STK3: variants seen among roughly 807,000 people sequenced by gnomAD.
STK3 encodes serine/threonine-protein kinase 3.
STK3 carries 41 observed loss-of-function variants against 58.0 expected under a neutral mutation model. The ratio of observed to expected loss-of-function variants is 0.71; its 90% CI spans 0.55 to 0.92. STK3 has a LOEUF of 0.92. STK3 is among the 40% of genes least tolerant of loss of function. STK3 has a pLI of 0.00. For synonymous variants in STK3, 170 were observed against 191.0 expected (o/e 0.89, Z 0.91); for missense variants, 479 against 602.7 (o/e 0.79, Z 2.15).
intron 2 of STK3, among the ~76,000 whole-genome samples, chr8:98,374,383 G>T (rs1298106216): frequency 6.6e-6 from 1 of 152,170 alleles, no homozygotes. Flanking sequence ...GAAAGCCAAG[G>T]CCCAGGCATT....
At position 98,825,666 on chromosome 8, in the gene STK3, T is replaced by A. The variant is rs1414323874; in HGVS notation, c.-126A>T. ...AAACTCTGGGAACTCGGACCAACTT[T>A]CCCGTAACTCCGCGGCGGATCTCCC... On this transcript the variant is annotated 5_prime_UTR_variant, in exon 1 of 11. Coordinates refer to ENST00000419617, the MANE Select transcript of STK3 (RefSeq NM_006281.4). 6 of 1,141,972 alleles carry A rather than the reference T, an allele frequency of 5.3e-6. No individual in the cohort carries two copies. Among genetic ancestry groups the A allele is most frequent in the African/African-American group, 1.7e-5 (1 of 59,780 alleles). 70.7% of individuals were successfully genotyped at this position (1,141,972 alleles called of 1,614,324 possible). A position where few individuals can be genotyped will look rare whatever the true frequency, so the allele number is the denominator to read the frequency against.
chr8:98,442,478 T>C (rs1818733010), intron 1 of STK3, among the ~76,000 whole-genome samples: 1 of 152,222 alleles, frequency 6.6e-6, no homozygotes, highest in African/African-American at 2.4e-5. Context: ...ACCACCAAGG[T>C]GCGTTATTTC....
intron 3 of STK3, among the ~76,000 whole-genome samples, chr8:98,838,981 GTTTGT>G (rs1835854498): frequency 1.4e-5 from 2 of 138,160 alleles, no homozygotes; most frequent in African/African-American, 2.7e-5. Flanking sequence ...TGTTTTGTTT[GTTTGT>G]TTTGTGTGTG....
At chr8:98,734,603 T>G (rs1275547204) in intron 4 of STK3, among the ~76,000 whole-genome samples, 1 of 152,220 alleles carries the variant, frequency 6.6e-6, no homozygotes, top group Non-Finnish European at 1.5e-5. Flanking sequence ...TTGGAAAGCC[T>G]CTAATCAAAA....
At chr8:98,802,676 T>A (rs887888500) in intron 1 of STK3, among the ~76,000 whole-genome samples, 1 of 152,172 alleles carries the variant, frequency 6.6e-6, no homozygotes, top group Non-Finnish European at 1.5e-5. Flanking sequence ...TTGTAAATTA[T>A]TTATAACAAA....
chr8:98,419,723 A>G (rs1249408581), intron 3 of STK3, among the ~76,000 whole-genome samples: 1 of 152,184 alleles, frequency 6.6e-6, no homozygotes, highest in Non-Finnish European at 1.5e-5. Context: ...GCAGCAGAGA[A>G]TGCCAGGGAC....
At chr8:98,563,716 A>T (rs1354635074) in intron 8 of STK3, among the ~76,000 whole-genome samples, 1 of 152,192 alleles carries the variant, frequency 6.6e-6, no homozygotes, top group Non-Finnish European at 1.5e-5. Context: ...GATATGTCAT[A>T]GGGACAAAGG....
intron 7 of STK3, among the ~76,000 whole-genome samples, chr8:98,593,044 G>A (rs538242881): frequency 2.0e-4 from 30 of 152,208 alleles, no homozygotes; most frequent in African/African-American, 6.0e-4. Context: ...GATTACAGGC[G>A]TGAGCCACGG....
chr8:98,669,733 G>A (rs1018015592), intron 6 of STK3, among the ~76,000 whole-genome samples: 7 of 152,176 alleles, frequency 4.6e-5, no homozygotes, highest in East Asian at 1.9e-4. Context: ...GGGTAACAAA[G>A]TATCAGTCCC....
At chr8:98,838,074 C>CA (rs58973724) in intron 3 of STK3, among the ~76,000 whole-genome samples, 9,245 of 58,862 alleles carry the variant, frequency 0.16, 419 homozygotes, top group Non-Finnish European at 0.21. Flanking sequence ...ACTAAAAATA[C>CA]AAAAAAAAAA....
chr8:98,587,762 C>G (rs1160073100), intron 7 of STK3, among the ~76,000 whole-genome samples: 1 of 152,054 alleles, frequency 6.6e-6, no homozygotes, highest in Non-Finnish European at 1.5e-5. Flanking sequence ...TAAGGACTTG[C>G]TTTATGAATC....
intron 3 of STK3, among the ~76,000 whole-genome samples, chr8:98,860,273 G>A (rs1401265733): frequency 6.6e-6 from 1 of 152,198 alleles, no homozygotes; most frequent in African/African-American, 2.4e-5. Context: ...GTGATGGAGT[G>A]GCTGGAGGTT....
chr8:98,621,153 G>T (rs1397480564), intron 6 of STK3, among the ~76,000 whole-genome samples: 1 of 152,120 alleles, frequency 6.6e-6, no homozygotes, highest in East Asian at 1.9e-4. Flanking sequence ...TTTTAGCCGG[G>T]ATGGTCTCGA....
At chr8:98,609,416 C>T (rs952166954) in intron 6 of STK3, among the ~76,000 whole-genome samples, 13 of 152,074 alleles carry the variant, frequency 8.5e-5, no homozygotes, top group Non-Finnish European at 1.8e-4. Flanking sequence ...AATAAAGTAT[C>T]TCATCTGAAA....
At chr8:98,771,227 T>A (rs1170489144) in intron 2 of STK3, among the ~76,000 whole-genome samples, 1 of 152,248 alleles carries the variant, frequency 6.6e-6, no homozygotes. Flanking sequence ...TTCCTTCACT[T>A]AGCATAATAT....
chr8:98,526,983 G>T, intron 9 of STK3, 66 bp from the exon 10 acceptor site: 2 of 1,305,708 alleles, frequency 1.5e-6, no homozygotes, highest in Non-Finnish European at 2.0e-6. Context: ...TTTCTTTGAA[G>T]TATGATTTTT....
rs144881255 is a variant in STK3 at position 98,428,341 on chromosome 8, A to G, written n.483+5786T>C. 5.6e-6 allele frequency: 9 copies of G among 1,614,026 alleles called. No homozygotes were observed. The highest frequency in any genetic ancestry group is 1.3e-5 in the African/African-American group (1 of 74,910). The stretch of plus-strand genomic sequence containing the variant: ...TTCTTCATTGACTCCTGCTGCAGCT[A>G]CAGCTACCATGGCCGCAAAGTAGAG... On this transcript the variant is annotated intron_variant and non_coding_transcript_variant, in intron 3 of 3. Coordinates refer to the STK3 transcript ENST00000517832. This position sits in a 1 kb window ranked among gnomAD's most constrained non-coding sequence, Gnocchi z 6.7.
At chr8:98,744,881 G>T (rs1227924219) in intron 4 of STK3, among the ~76,000 whole-genome samples, 1 of 151,216 alleles carries the variant, frequency 6.6e-6, no homozygotes, top group African/African-American at 2.4e-5. Flanking sequence ...ATTGTGTTAG[G>T]ACAATTAGAT....
At chr8:98,919,562 C>T (rs73699939) in intron 1 of STK3, among the ~76,000 whole-genome samples, 106 of 152,264 alleles carry the variant, frequency 7.0e-4, no homozygotes, top group African/African-American at 2.3e-3. Flanking sequence ...GAGTAAGTTA[C>T]ATGGGTGATG....
Sources: allele counts gnomAD v4.1 joint callset (sites outside exome capture counted in the v4.1 genomes callset), GRCh38; gene constraint gnomAD v4.1.1; non-coding constraint Gnocchi (gnomAD v3.1); transcripts MANE v1.5; gene names NCBI Gene and HGNC (gene_info 2026-07-23, HGNC 2026-07-21).